The following SPATA6 variants were observed in gnomAD, a reference collection of about 807,000 sequenced individuals.
The protein encoded by SPATA6 is spermatogenesis associated 6, also known as spermatogenesis-associated protein 6.
SPATA6 carries 56 observed loss-of-function variants against 65.3 expected under a neutral mutation model. That is an observed-to-expected ratio of 0.86 (90% CI 0.69 to 1.07). SPATA6 has a LOEUF of 1.07. Ranked by LOEUF, SPATA6 falls within the 50% of genes least tolerant of loss-of-function variation. The pLI is 0.00. For synonymous variants in SPATA6, 199 were observed against 213.2 expected (o/e 0.93, Z 0.58); for missense variants, 590 against 594.8 (o/e 0.99, Z 0.08).
chr1:48,281,835 T>C, the SPATA6 span, among the ~76,000 whole-genome samples: 4 of 152,054 alleles, frequency 2.6e-5, no homozygotes, highest in Non-Finnish European at 5.9e-5. Flanking sequence ...AAAAAACTAC[T>C]TAAAGTTCAT....
chr1:48,366,524 G>GAGGGTGTATGTGTCT (rs960830884), intron 9 of SPATA6, among the ~76,000 whole-genome samples: 1 of 152,204 alleles, frequency 6.6e-6, no homozygotes, highest in African/African-American at 2.4e-5. Context: ...TTACTCTTGG[G>GAGGGTGTATGTGTCT]AGGGTGTATG....
At chr1:48,435,547 C>A (rs760688639) in intron 3 of SPATA6, among the ~76,000 whole-genome samples, 21 of 152,254 alleles carry the variant, frequency 1.4e-4, no homozygotes, top group Non-Finnish European at 2.6e-4. Context: ...ACACACCAAT[C>A]AGCACTCTGT....
intron 3 of SPATA6, among the ~76,000 whole-genome samples, chr1:48,416,490 T>C (rs1557684219): frequency 6.6e-6 from 1 of 152,220 alleles, no homozygotes; most frequent in Non-Finnish European, 1.5e-5. Flanking sequence ...TGTGTATATT[T>C]ATGTATGTGT....
At chr1:48,424,401 C>T (rs565669741) in intron 3 of SPATA6, among the ~76,000 whole-genome samples, 9 of 152,286 alleles carry the variant, frequency 5.9e-5, no homozygotes, top group Admixed American at 1.3e-4. Flanking sequence ...TGTTGATGGA[C>T]GCTAAGTCCA....
chr1:48,306,789 C>T (rs1442816996), intron 11 of SPATA6, among the ~76,000 whole-genome samples: 5 of 151,696 alleles, frequency 3.3e-5, no homozygotes, highest in South Asian at 2.1e-4. Context: ...TATGTGTAAA[C>T]GTGTGCAATA....
At chr1:48,438,145 A>C (rs998861604) in intron 3 of SPATA6, among the ~76,000 whole-genome samples, 2 of 151,734 alleles carry the variant, frequency 1.3e-5, no homozygotes, top group African/African-American at 4.8e-5. Context: ...GCTGCTGCTC[A>C]CTCTTTGGGT....
chr1:48,313,926 G>C (rs1288993057), intron 11 of SPATA6, among the ~76,000 whole-genome samples: 2 of 152,056 alleles, frequency 1.3e-5, no homozygotes, highest in Non-Finnish European at 2.9e-5. Flanking sequence ...AATCAACAAA[G>C]ATAAAAAGAG....
intron 1 of SPATA6, among the ~76,000 whole-genome samples, chr1:48,466,850 T>G (rs913835469): frequency 2.6e-5 from 4 of 152,080 alleles, no homozygotes; most frequent in African/African-American, 9.7e-5. Context: ...CACAGTGCTA[T>G]CATTAGTTTC....
chr1:48,363,139 T>C (rs1314015069), intron 9 of SPATA6, among the ~76,000 whole-genome samples: 2 of 152,254 alleles, frequency 1.3e-5, no homozygotes, highest in African/African-American at 4.8e-5. Context: ...AATTAGAGTA[T>C]ATGTTTTGTA....
intron 11 of SPATA6, among the ~76,000 whole-genome samples, chr1:48,350,782 T>C (rs1646494939): frequency 6.6e-6 from 1 of 151,964 alleles, no homozygotes; most frequent in African/African-American, 2.4e-5. Flanking sequence ...CTGTGCTTTA[T>C]TGCAAAAATC....
At chr1:48,308,910 G>C (rs1435750030) in intron 11 of SPATA6, among the ~76,000 whole-genome samples, 2 of 151,862 alleles carry the variant, frequency 1.3e-5, no homozygotes, top group African/African-American at 4.8e-5. Context: ...TCTAGATATA[G>C]GGTCTAACTC....
At chr1:48,366,503 TTC>T (rs747244786) in intron 9 of SPATA6, among the ~76,000 whole-genome samples, 8 of 152,190 alleles carry the variant, frequency 5.3e-5, no homozygotes, top group Admixed American at 2.0e-4. Flanking sequence ...CAGAGTCAAC[TTC>T]TTCCTGGTTT....
intron 11 of SPATA6, among the ~76,000 whole-genome samples, chr1:48,334,150 C>T (rs913819076): frequency 1.3e-5 from 2 of 151,978 alleles, no homozygotes; most frequent in African/African-American, 2.4e-5. Flanking sequence ...AGCCGACCAA[C>T]CAATAAAAGC....
chr1:48,312,924 A>C (rs909708948), intron 11 of SPATA6, among the ~76,000 whole-genome samples: 2 of 152,234 alleles, frequency 1.3e-5, no homozygotes, highest in Admixed American at 1.3e-4. Context: ...AGCTGATTCA[A>C]TCAACTGTAA....
At position 48,411,373 on chromosome 1, in the gene SPATA6, G is replaced by T; in HGVS notation, c.405+91C>A. 4 of 1,377,750 alleles carry T rather than the reference G, an allele frequency of 2.9e-6. No homozygotes were observed. In the South Asian group the frequency reaches 5.4e-5, roughly 19 times the overall value. The allele number at this position is 1,377,750 out of a possible 1,614,324, so 85.3% of individuals were successfully genotyped here. A position where few individuals can be genotyped will look rare whatever the true frequency, so the allele number is the denominator to read the frequency against. On this transcript the variant is annotated intron_variant, in intron 5 of 12. Transcript: ENST00000371847. ...GTAAACTAAATTACACTTTGAATTT[G>T]TTCTTCACATTTAAGATGGCGAGCA...
intron 1 of SPATA6, among the ~76,000 whole-genome samples, chr1:48,467,321 A>G (rs1295435765): frequency 1.3e-5 from 2 of 152,160 alleles, no homozygotes; most frequent in Non-Finnish European, 2.9e-5. Context: ...GAAGGGGTAG[A>G]GAAGAATGAG....
chr1:48,262,932 T>G, the SPATA6 span: 2 of 152,182 alleles, frequency 1.3e-5, no homozygotes, highest in Admixed American at 1.3e-4. Flanking sequence ...TATTTTCATA[T>G]TAATCTTTGA....
At chr1:48,379,740 T>C (rs1218878227) in intron 9 of SPATA6, among the ~76,000 whole-genome samples, 1 of 152,104 alleles carries the variant, frequency 6.6e-6, no homozygotes, top group Non-Finnish European at 1.5e-5. Flanking sequence ...TTATGCTCTT[T>C]TCCTTAAAGC....
At chr1:48,283,815 C>T in the SPATA6 span, among the ~76,000 whole-genome samples, 1 of 152,038 alleles carries the variant, frequency 6.6e-6, no homozygotes, top group East Asian at 1.9e-4. Flanking sequence ...TTCTGATGGG[C>T]TTCCCTTTGT....
Sources: allele counts gnomAD v4.1 joint callset (sites outside exome capture counted in the v4.1 genomes callset), GRCh38; gene constraint gnomAD v4.1.1; transcripts MANE v1.5; gene names NCBI Gene and HGNC (gene_info 2026-07-23, HGNC 2026-07-21).